TRPV2: variants seen among roughly 807,000 people sequenced by gnomAD.
TRPV2 encodes OTRPC2.
In TRPV2, 58 loss-of-function variants were observed where a neutral mutation model predicts 91.0. That is an observed-to-expected ratio of 0.64 (90% CI 0.52 to 0.79). TRPV2 has a LOEUF of 0.79. Among genes scored for constraint, TRPV2 ranks in the 30% least tolerant of loss-of-function variants. The probability of loss-of-function intolerance (pLI) is 0.00; values close to 1 mark genes in which losing one functional copy is unlikely to be tolerated. For synonymous variants in TRPV2, 417 were observed against 414.8 expected, an observed-to-expected ratio of 1.01 and a Z score of -0.06; for missense variants, 807 against 969.6, an observed-to-expected ratio of 0.83 and a Z score of 2.23.
At position 16,436,937 on chromosome 17, in the gene TRPV2, C is replaced by A; in HGVS notation, c.*48C>A. 1.4e-6 allele frequency: 2 copies of A among 1,441,158 alleles called. No individual in the cohort carries two copies. The highest frequency in any genetic ancestry group is 2.0e-6 in the Non-Finnish European group (2 of 1,024,712). The allele number at this position is 1,441,158 out of a possible 1,614,324, so 89.3% of individuals were successfully genotyped here. The stretch of plus-strand genomic sequence containing the variant: ...CAGAGGACAGAGCAGAGGATCTTTC[C>A]AACCACATCTGCTGGCTCTGGGGTC... On this transcript the variant is annotated 3_prime_UTR_variant, in exon 15 of 15. Transcript: ENST00000338560.
chr17:16,436,012 G>A (rs7209318), intron 14 of TRPV2, among the ~76,000 whole-genome samples: 53,027 of 150,824 alleles, frequency 0.35, 9,648 homozygotes, highest in Non-Finnish European at 0.38. Context: ...GAACAGCCTC[G>A]GGGCTGCCCC....
At chr17:16,421,723 T>C (rs2093358465) in intron 3 of TRPV2, among the ~76,000 whole-genome samples, 1 of 150,944 alleles carries the variant, frequency 6.6e-6, no homozygotes, top group Admixed American at 6.6e-5. Flanking sequence ...GATTTCACCA[T>C]GTTGGTCAGG....
At chr17:16,428,291 G>A in intron 8 of TRPV2, 26 bp from the exon 9 acceptor site, 3 of 1,613,362 alleles carry the variant, frequency 1.9e-6, no homozygotes, top group South Asian at 1.1e-5. Flanking sequence ...AGGTTTCACA[G>A]CCCTCTGTCC....
Position 16,432,083 on chromosome 17 carries a change from G to A in TRPV2, c.1772G>A (p.Arg591Lys), listed in dbSNP as rs1228628581. The A allele has an allele frequency of 1.2e-6, 2 of 1,614,078 alleles. No individual in the cohort carries two copies. The highest frequency in any genetic ancestry group is 1.3e-5 in the African/African-American group (1 of 74,944). The change falls in exon 12 of 15, where the codon AGG becomes AAG. Residue 591 changes from arginine to lysine, a missense_variant. Coordinates refer to ENST00000338560, the MANE Select transcript of TRPV2 (RefSeq NM_016113.5). Reference sequence around the variant, plus strand: ...GACGAGGGCAACGGGGCCCAGTACAGGGGTATCCTGGAAGCCTCCTTGGAG... The same window carrying A: ...GACGAGGGCAACGGGGCCCAGTACAAGGGTATCCTGGAAGCCTCCTTGGAG... ...QEDEGNGAQY[R>K]GILEASLELF...
chr17:16,426,891 G>GT lies in TRPV2; in HGVS notation c.1251+17dup, dbSNP rs1272293751. The GT allele has an allele frequency of 8.7e-6, 14 of 1,608,204 alleles. No homozygotes were observed. Among genetic ancestry groups the GT allele is most frequent in the African/African-American group, 1.3e-5 (1 of 74,678 alleles). On this transcript the variant is annotated intron_variant, in intron 7 of 14. Transcript: ENST00000338560. The surrounding 1 kb of genome is among the most constrained non-coding windows in gnomAD (Gnocchi z 6.0). ...ACCCTGAAGAAGGCAAGGGCGTGAG[G>GT]TTTGGGGGGGCACATCTTGGGGGAG...
chr17:16,433,752 G>C, intron 13 of TRPV2, 54 bp downstream of exon 13: 1 of 1,598,198 alleles, frequency 6.3e-7, no homozygotes, highest in African/African-American at 1.3e-5. Context: ...GCAATCCCTG[G>C]GGCCCCCCTG....
chr17:16,432,187 C>T lies in TRPV2; in HGVS notation c.1876C>T (p.Leu626=). Residue 626 remains leucine, a synonymous_variant, in exon 12 of 15, where the codon CTG becomes TTG. Transcript: ENST00000338560. The stretch of plus-strand genomic sequence containing the variant: ...CTTCCGCGGCATGGTGCTGCTGCTG[C>T]TGCTGGCCTACGTGCTGCTCACCTA... The part of the protein sequence containing the change: ...LHFRGMVLLL[L]LAYVLLTYIL... The T allele has an allele frequency of 6.2e-7, 1 of 1,614,248 alleles. No individual in the cohort carries two copies. The highest frequency in any genetic ancestry group is 8.5e-7 in the Non-Finnish European group (1 of 1,180,038).
intron 3 of TRPV2, 99 bp from the exon 4 acceptor site, chr17:16,422,500 C>T (rs1470239179): frequency 6.3e-6 from 8 of 1,263,224 alleles, no homozygotes; most frequent in Non-Finnish European, 8.9e-6. Context: ...TTAATCCTCC[C>T]AAGGGGTACT....
intron 14 of TRPV2, 129 bp from the exon 15 acceptor site, chr17:16,436,660 G>A: frequency 1.5e-6 from 1 of 686,298 alleles, no homozygotes; most frequent in South Asian, 1.7e-5. Flanking sequence ...AGGATTGCTG[G>A]CCTCCAGGAT....
Position 16,426,764 on chromosome 17 carries a change from C to T in TRPV2, c.1138C>T (p.Leu380=), listed in dbSNP as rs765390704. The part of the protein sequence containing the change: ...MVVLEPLNKL[L]QAKWDLLIPK... ...CGTTTTGGAGCCCCTGAACAAACTGCTGCAGGCGAAATGGGATCTGCTCAT... is the reference window on the plus strand; with the variant it reads ...CGTTTTGGAGCCCCTGAACAAACTGTTGCAGGCGAAATGGGATCTGCTCAT... The change falls in exon 7 of 15, where the codon CTG becomes TTG. Residue 380 remains leucine (L), a synonymous_variant. Transcript: ENST00000338560. This position sits in a 1 kb window ranked among gnomAD's most constrained non-coding sequence, Gnocchi z 6.0. 39 of 1,613,980 alleles carry T rather than the reference C, an allele frequency of 2.4e-5. No homozygotes were observed. The highest frequency in any genetic ancestry group is 3.0e-5 in the Non-Finnish European group (35 of 1,180,016).
Position 16,420,248 on chromosome 17 carries a change from G to A in TRPV2, c.334G>A (p.Glu112Lys). 1.2e-6 allele frequency: 2 copies of A among 1,611,938 alleles called. No homozygotes were observed. Among genetic ancestry groups the A allele is most frequent in the Non-Finnish European group, 1.7e-6 (2 of 1,178,272 alleles). The part of the protein sequence containing the change: ...SKYLTDSEYT[E>K]GSTGKTCLMK... ...GTACCTCACCGACTCGGAATACACA[G>A]GTAGACCCTGCCCTGTGGATCCAAG... Residue 112 changes from glutamate to lysine, a missense_variant and splice_region_variant, in exon 3 of 15, where the codon GAG (glutamate) becomes AAG (lysine). Glu to Lys is a moderately conservative substitution (Grantham distance 56). Coordinates refer to ENST00000338560, the MANE Select transcript of TRPV2 (RefSeq NM_016113.5).
rs536547562 is a variant in TRPV2 at position 16,417,147 on chromosome 17, T to C, written c.-107-415T>C. Among the ~76,000 whole-genome samples the C allele has an allele frequency of 1.6e-4, 25 of 152,202 alleles. No individual in the cohort carries two copies. In the South Asian group the frequency reaches 5.2e-3, roughly 32 times the overall value. ...CCTCACCCCTGCTGCTCATCCCTCC[T>C]GGCCCACTTCCCCTGCATTGGGGCT... is the stretch of plus-strand genomic sequence containing the variant. On this transcript the variant is annotated intron_variant, in intron 1 of 14. Transcript: ENST00000338560.
chr17:16,433,562 C>T lies in TRPV2; in HGVS notation c.1990-12C>T. 1 of 1,613,504 alleles carries T rather than the reference C, an allele frequency of 6.2e-7. No homozygotes were observed. Among genetic ancestry groups the T allele is most frequent in the Non-Finnish European group, 8.5e-7 (1 of 1,179,772 alleles). ...CCCAGGACGTTCTGTCTGATGCATC[C>T]TTTGTCCCCAGAAAGCCATCTCTGT... On this transcript the variant is annotated splice_polypyrimidine_tract_variant and intron_variant, in intron 12 of 14. Coordinates refer to ENST00000338560, the MANE Select transcript of TRPV2 (RefSeq NM_016113.5).
In TRPV2 at chr17:16,432,028, G is replaced by C. The variant is rs955816081; in HGVS notation, c.1717G>C (p.Glu573Gln). Residue 573 changes from glutamate to glutamine, a missense_variant, in exon 12 of 15, where the codon GAG (glutamate) becomes CAG (glutamine). Glu to Gln is a conservative substitution (Grantham distance 29). Coordinates refer to ENST00000338560, the MANE Select transcript of TRPV2 (RefSeq NM_016113.5). ...AGCTCCTACAGGCCCCAATGCCACA[G>C]AGTCAGTGCAGCCCATGGAGGGACA... is the stretch of plus-strand genomic sequence containing the variant. ...PEAPTGPNAT[E>Q]SVQPMEGQED... is the part of the protein sequence containing the mutation. 2.5e-6 allele frequency: 4 copies of C among 1,611,464 alleles called. No individual in the cohort carries two copies. The highest frequency in any genetic ancestry group is 2.5e-6 in the Non-Finnish European group (3 of 1,178,000).
At position 16,426,418 on chromosome 17, in the gene TRPV2, C is replaced by T; in HGVS notation, c.1095+149C>T. ...ATGTCCCAGCAGGCACGACCCTGAC[C>T]ATGGCCACCGGGCCCATACTCAATC... On this transcript the variant is annotated intron_variant, in intron 6 of 14. Coordinates refer to ENST00000338560, the MANE Select transcript of TRPV2 (RefSeq NM_016113.5). This position sits in a 1 kb window ranked among gnomAD's most constrained non-coding sequence, Gnocchi z 6.0. 9.7e-7 allele frequency: 1 copy of T among 1,026,356 alleles called. No individual in the cohort carries two copies. The highest frequency in any genetic ancestry group is 1.4e-6 in the Non-Finnish European group (1 of 710,534). The allele number at this position is 1,026,356 out of a possible 1,614,324, so 63.6% of individuals were successfully genotyped here.
At chr17:16,417,324 C>T (rs920626047) in intron 1 of TRPV2, among the ~76,000 whole-genome samples, 1 of 147,048 alleles carries the variant, frequency 6.8e-6, no homozygotes, top group Non-Finnish European at 1.5e-5. Context: ...GTGGTGCCAT[C>T]TTAGCTTCCG....
chr17:16,430,276 T>G (rs1160292339), intron 10 of TRPV2, among the ~76,000 whole-genome samples: 1 of 152,150 alleles, frequency 6.6e-6, no homozygotes, highest in East Asian at 1.9e-4. Context: ...CATCCCAAAC[T>G]GAAACTCAAC....
Position 16,435,521 on chromosome 17 carries a change from G to A in TRPV2, c.2194+552G>A, listed in dbSNP as rs1233563924. Among the ~76,000 whole-genome samples the A allele has an allele frequency of 2.0e-5, 3 of 152,050 alleles. No individual in the cohort carries two copies. The highest frequency in any genetic ancestry group is 6.5e-5 in the Admixed American group (1 of 15,278). On this transcript the variant is annotated intron_variant, in intron 14 of 14. Transcript: ENST00000338560. The surrounding 1 kb of genome is among the most constrained non-coding windows in gnomAD (Gnocchi z 4.2). The stretch of plus-strand genomic sequence containing the variant: ...TGTGTCCTCTCCGTTCCAGTGTAGT[G>A]ATGGCCCCTCCTGTCCCCACCCTGC...
Position 16,422,759 on chromosome 17 carries a change from C to G in TRPV2, c.495C>G (p.Ser165Arg). The G allele has an allele frequency of 1.9e-6, 3 of 1,579,790 alleles. No homozygotes were observed. The South Asian group carries it at 3.4e-5, about 18-fold the overall frequency. The stretch of plus-strand genomic sequence containing the variant: ...CAGATGACTATTACCGAGGCCACAG[C>G]GCTCTGCACATCGCCATTGAGAAGA... ...QCTDDYYRGH[S>R]ALHIAIEKRS... Residue 165 changes from serine (S) to arginine (R), a missense_variant, in exon 4 of 15, where the codon AGC becomes AGG. Transcript: ENST00000338560.
Sources: allele counts gnomAD v4.1 joint callset (sites outside exome capture counted in the v4.1 genomes callset), GRCh38; gene constraint gnomAD v4.1.1; non-coding constraint Gnocchi (gnomAD v3.1); transcripts MANE v1.5; gene names NCBI Gene and HGNC (gene_info 2026-07-23, HGNC 2026-07-21).